The following CLSTN2 variants were observed in gnomAD, a reference collection of about 807,000 sequenced individuals.
CLSTN2 encodes the protein calsyntenin-2.
CLSTN2 carries 48 observed loss-of-function variants against 101.2 expected under a neutral mutation model. The ratio of observed to expected loss-of-function variants is 0.47; its 90% confidence interval spans 0.38 to 0.60. The LOEUF is 0.60. Ranked by LOEUF, CLSTN2 falls within the 20% of genes least tolerant of loss-of-function variation. The pLI is 0.00. For missense variants in CLSTN2, 1,160 were observed against 1,238.2 expected, an observed-to-expected ratio of 0.94 and a Z score of 0.95; for synonymous variants, 481 against 463.6, an observed-to-expected ratio of 1.04 and a Z score of -0.48.
chr3:140,382,812 A>C (rs1576542107), intron 2 of CLSTN2, among the ~76,000 whole-genome samples: 1 of 152,086 alleles, frequency 6.6e-6, no homozygotes, highest in Non-Finnish European at 1.5e-5. Context: ...AGTGGCAAGC[A>C]ATCTCCCTTA....
At chr3:140,075,492 T>A (rs2008471022) in intron 1 of CLSTN2, among the ~76,000 whole-genome samples, 1 of 152,202 alleles carries the variant, frequency 6.6e-6, no homozygotes, top group South Asian at 2.1e-4. Context: ...GATTATTGAT[T>A]TTTCCTTAAG....
At chr3:140,262,717 G>T (rs1343230880) in intron 2 of CLSTN2, among the ~76,000 whole-genome samples, 1 of 152,122 alleles carries the variant, frequency 6.6e-6, no homozygotes, top group East Asian at 1.9e-4. Flanking sequence ...CTTTGGTATG[G>T]CCATGAGAAT....
chr3:140,103,777 A>G (rs1288961265), intron 1 of CLSTN2, among the ~76,000 whole-genome samples: 1 of 152,330 alleles, frequency 6.6e-6, no homozygotes, highest in Non-Finnish European at 1.5e-5. Flanking sequence ...GCATTTATAG[A>G]GCACCTACTA....
chr3:139,981,190 A>G (rs898639656), intron 1 of CLSTN2, among the ~76,000 whole-genome samples: 1 of 152,148 alleles, frequency 6.6e-6, no homozygotes, highest in Non-Finnish European at 1.5e-5. Flanking sequence ...ACTTTTTGAG[A>G]AGATTTAGCT....
At chr3:140,478,491 T>C (rs1297069383) in intron 8 of CLSTN2, among the ~76,000 whole-genome samples, 2 of 152,216 alleles carry the variant, frequency 1.3e-5, no homozygotes, top group Non-Finnish European at 2.9e-5. Context: ...TAACAAAGAC[T>C]ACATATTATA....
intron 2 of CLSTN2, among the ~76,000 whole-genome samples, chr3:140,236,738 G>C (rs1219554298): frequency 6.6e-6 from 1 of 151,210 alleles, no homozygotes; most frequent in East Asian, 1.9e-4. Flanking sequence ...TTCTCCTATG[G>C]TGTCTAATCT....
chr3:140,169,481 G>A (rs1031892165), intron 1 of CLSTN2, among the ~76,000 whole-genome samples: 2 of 151,830 alleles, frequency 1.3e-5, no homozygotes, highest in South Asian at 4.1e-4. Context: ...TATTGCACTG[G>A]TTAGAACCTA....
At chr3:140,100,186 C>CT (rs1159820339) in intron 1 of CLSTN2, among the ~76,000 whole-genome samples, 1 of 149,956 alleles carries the variant, frequency 6.7e-6, no homozygotes, top group East Asian at 2.0e-4. Flanking sequence ...TTGTAAATTC[C>CT]TTTTTTCTGA....
intron 1 of CLSTN2, among the ~76,000 whole-genome samples, chr3:140,125,504 G>A (rs1327381349): frequency 6.6e-6 from 1 of 152,108 alleles, no homozygotes; most frequent in Non-Finnish European, 1.5e-5. Flanking sequence ...ATATGAGGTG[G>A]CTCCTTGATT....
At chr3:140,002,698 T>C (rs891465647) in intron 1 of CLSTN2, among the ~76,000 whole-genome samples, 2 of 152,190 alleles carry the variant, frequency 1.3e-5, no homozygotes, top group Admixed American at 6.6e-5. Context: ...TTTGAGGTCA[T>C]AGATTTTTAA....
At chr3:140,044,546 G>A (rs887015539) in intron 1 of CLSTN2, among the ~76,000 whole-genome samples, 17 of 152,212 alleles carry the variant, frequency 1.1e-4, no homozygotes, top group African/African-American at 4.1e-4. Flanking sequence ...GATTGCCCTG[G>A]CCAGAACTTC....
At chr3:140,458,882 G>T (rs1933485180) in intron 6 of CLSTN2, among the ~76,000 whole-genome samples, 1 of 152,188 alleles carries the variant, frequency 6.6e-6, no homozygotes, top group African/African-American at 2.4e-5. Context: ...TTGCTGCCAG[G>T]TGTCAAATTC....
intron 2 of CLSTN2, among the ~76,000 whole-genome samples, chr3:140,342,500 G>T (rs2107936980): frequency 6.6e-6 from 1 of 152,148 alleles, no homozygotes; most frequent in Middle Eastern, 3.4e-3. Context: ...CAGATGACTT[G>T]CTCACCTTTC....
intron 2 of CLSTN2, among the ~76,000 whole-genome samples, chr3:140,179,344 TG>T (rs2010371717): frequency 6.6e-6 from 1 of 151,166 alleles, no homozygotes; most frequent in African/African-American, 2.4e-5. Context: ...GTGATCATGC[TG>T]GGTGCTCATG....
chr3:140,293,147 C>G (rs536186695), intron 2 of CLSTN2, among the ~76,000 whole-genome samples: 2 of 152,254 alleles, frequency 1.3e-5, no homozygotes, highest in East Asian at 3.9e-4. Flanking sequence ...TCAGGGTGAT[C>G]AAATAATTAG....
intron 1 of CLSTN2, among the ~76,000 whole-genome samples, chr3:140,033,205 A>C (rs1037701084): frequency 1.3e-5 from 2 of 152,224 alleles, no homozygotes; most frequent in Non-Finnish European, 2.9e-5. Flanking sequence ...GTAATACTGC[A>C]CAGACCTTCT....
intron 8 of CLSTN2, among the ~76,000 whole-genome samples, chr3:140,490,596 G>GAAAAAAA (rs71149081): frequency 2.2e-5 from 2 of 90,092 alleles, no homozygotes; most frequent in African/African-American, 4.5e-5. Context: ...CCTTGTCTCA[G>GAAAAAAA]AAAAAAAAAA....
At chr3:140,512,075 C>T (rs1009086891) in intron 8 of CLSTN2, among the ~76,000 whole-genome samples, 1 of 151,968 alleles carries the variant, frequency 6.6e-6, no homozygotes, top group African/African-American at 2.4e-5. Context: ...AATGTTCTCC[C>T]ATTCTGTAGG....
At chr3:140,550,829 T>C (rs1373810686) in intron 10 of CLSTN2, among the ~76,000 whole-genome samples, 2 of 151,006 alleles carry the variant, frequency 1.3e-5, no homozygotes, top group Non-Finnish European at 2.9e-5. Flanking sequence ...TTATAACCTT[T>C]TTATAACCAA....
Sources: gnomAD v4.1 joint callset for allele counts (sites outside exome capture counted in the v4.1 genomes callset) on GRCh38, gnomAD v4.1.1 for gene constraint, MANE v1.5 for transcripts, NCBI Gene and HGNC (gene_info 2026-07-23, HGNC 2026-07-21) for gene names.